DNAH7: variants seen among roughly 807,000 people sequenced by gnomAD.
DNAH7 encodes dynein axonemal heavy chain 7.
A neutral mutation model predicts 444.6 loss-of-function variants in DNAH7; 397 were observed. The observed-to-expected ratio is 0.89, with a 90% CI of 0.82 to 0.97. The LOEUF (loss-of-function observed/expected upper bound fraction) is 0.97. Ranked by LOEUF, DNAH7 falls within the 50% of genes least tolerant of loss-of-function variation. The pLI is 0.00. For synonymous variants in DNAH7, 1,636 were observed against 1,624.4 expected (o/e 1.01, Z -0.17); for missense variants, 4,902 against 4,800.8 (o/e 1.02, Z -0.62).
chr2:195,986,307 C>T lies in DNAH7; in HGVS notation c.1754+759G>A, dbSNP rs147375435. Among the ~76,000 whole-genome samples, 220 of 152,222 alleles carry T rather than the reference C, an allele frequency of 1.4e-3. No homozygotes were observed. In the Middle Eastern group the frequency reaches 0.017, roughly 12 times the overall value. ...TTATTCATGTTTAGAGCCTTAGAGC[C>T]GAAGTGGCTAGTCTTGTGCCTAACA... On this transcript the variant is annotated intron_variant, in intron 14 of 64. Coordinates refer to ENST00000312428, the MANE Select transcript of DNAH7 (RefSeq NM_018897.3).
chr2:195,826,492 T>G (rs916862566), intron 48 of DNAH7, among the ~76,000 whole-genome samples: 13 of 152,240 alleles, frequency 8.5e-5, no homozygotes, highest in Non-Finnish European at 1.5e-4. Context: ...CCTGGCTGTC[T>G]GGCTCCTTCG....
chr2:195,907,059 G>T, intron 25 of DNAH7, 50 bp from the exon 26 acceptor site: 3 of 1,368,982 alleles, frequency 2.2e-6, no homozygotes, highest in Non-Finnish European at 3.1e-6. Flanking sequence ...ATTCAATGTT[G>T]CAATGAAATG....
chr2:196,007,251 T>G (rs1270646498), intron 10 of DNAH7, among the ~76,000 whole-genome samples: 1 of 152,070 alleles, frequency 6.6e-6, no homozygotes, highest in Non-Finnish European at 1.5e-5. Context: ...TGAAACAGAA[T>G]AGAGAGCCCA....
chr2:195,742,230 T>C (rs1398523044), intron 63 of DNAH7, among the ~76,000 whole-genome samples: 6 of 152,144 alleles, frequency 3.9e-5, no homozygotes. Context: ...CTAAGGCCTG[T>C]CCATCAGTCA....
chr2:195,872,698 G>A (rs1261283256), intron 39 of DNAH7, among the ~76,000 whole-genome samples: 2 of 152,056 alleles, frequency 1.3e-5, no homozygotes, highest in Non-Finnish European at 2.9e-5. Context: ...CCTGTGAAAT[G>A]AGCAGGGCCA....
intron 29 of DNAH7, 134 bp downstream of exon 29, chr2:195,897,533 A>G (rs746771408): frequency 6.8e-6 from 3 of 441,844 alleles, no homozygotes; most frequent in Non-Finnish European, 1.2e-5. Flanking sequence ...ACACACTTCA[A>G]ATAAAATATG....
At chr2:196,036,027 CTTTT>C (rs750452521) in intron 5 of DNAH7, among the ~76,000 whole-genome samples, 4 of 129,488 alleles carry the variant, frequency 3.1e-5, no homozygotes, top group African/African-American at 8.5e-5. Context: ...TCTCCACATT[CTTTT>C]TTTTTTTTTT....
At chr2:195,880,651 C>T (rs1559178179) in intron 36 of DNAH7, among the ~76,000 whole-genome samples, 1 of 151,990 alleles carries the variant, frequency 6.6e-6, no homozygotes, top group Non-Finnish European at 1.5e-5. Context: ...AAACTTATTT[C>T]TAAAGCAAAA....
At chr2:196,044,589 T>A (rs1235378635) in intron 5 of DNAH7, among the ~76,000 whole-genome samples, 1 of 152,164 alleles carries the variant, frequency 6.6e-6, no homozygotes, top group Non-Finnish European at 1.5e-5. Context: ...CAAAAACTAC[T>A]GAAATAATAA....
Position 195,876,572 on chromosome 2 carries a change from A to T in DNAH7, c.6089T>A (p.Val2030Asp), listed in dbSNP as rs199571971. 7.9e-5 allele frequency: 127 copies of T among 1,613,596 alleles called. No homozygotes were observed. Among genetic ancestry groups the T allele is most frequent in the Non-Finnish European group, 1.0e-4 (122 of 1,179,872 alleles). Residue 2030 changes from valine (V) to aspartate (D), a missense_variant, in exon 37 of 65, where the codon GTT (valine) becomes GAT (aspartate). Coordinates refer to ENST00000312428, the MANE Select transcript of DNAH7 (RefSeq NM_018897.3). Reference sequence around the variant, plus strand: ...TCTCTTGCCCAAAGGAGGACCAAAAACTCCCTTTCTTCTCTTGTCCAATTT... The same window carrying T: ...TCTCTTGCCCAAAGGAGGACCAAAATCTCCCTTTCTTCTCTTGTCCAATTT... ...MSKLDKRRKG[V>D]FGPPLGKRMV... is the part of the protein sequence containing the mutation.
chr2:195,808,972 A>T, intron 52 of DNAH7, 96 bp from the exon 53 acceptor site: 1 of 1,050,056 alleles, frequency 9.5e-7, no homozygotes, highest in Non-Finnish European at 1.4e-6. Context: ...TTGACTTCCA[A>T]GTTTCAGATG....
intron 7 of DNAH7, 109 bp from the exon 8 acceptor site, chr2:196,024,613 A>G: frequency 3.5e-6 from 2 of 576,062 alleles, no homozygotes; most frequent in South Asian, 8.9e-5. Flanking sequence ...AATTATATTA[A>G]AGTTGTTTAA....
At chr2:196,059,985 G>A (rs1480688171) in intron 1 of DNAH7, among the ~76,000 whole-genome samples, 1 of 152,174 alleles carries the variant, frequency 6.6e-6, no homozygotes, top group Non-Finnish European at 1.5e-5. Flanking sequence ...GGAGGCCGAG[G>A]TGGGCGGATC....
intron 5 of DNAH7, among the ~76,000 whole-genome samples, chr2:196,046,117 A>T (rs1697107213): frequency 6.6e-6 from 1 of 152,190 alleles, no homozygotes; most frequent in African/African-American, 2.4e-5. Context: ...AGTATATCAC[A>T]AAGCTCCTTT....
At chr2:196,015,296 A>C (rs1694948657) in intron 9 of DNAH7, among the ~76,000 whole-genome samples, 1 of 152,170 alleles carries the variant, frequency 6.6e-6, no homozygotes, top group Non-Finnish European at 1.5e-5. Context: ...GCATCTTTTT[A>C]ACATGTTTAA....
chr2:195,744,337 G>A (rs1410629785), intron 63 of DNAH7, among the ~76,000 whole-genome samples: 1 of 152,254 alleles, frequency 6.6e-6, no homozygotes, highest in East Asian at 1.9e-4. Context: ...GCCCAGGCTT[G>A]CCTAGGTAAA....
chr2:195,835,083 C>T (rs1411398049), intron 47 of DNAH7, among the ~76,000 whole-genome samples: 2 of 152,284 alleles, frequency 1.3e-5, no homozygotes, highest in East Asian at 1.9e-4. Context: ...ATGACTTCAT[C>T]AGTATCTGCA....
chr2:195,909,887 G>T, intron 25 of DNAH7, 140 bp downstream of exon 25: 3 of 850,754 alleles, frequency 3.5e-6, no homozygotes, highest in Non-Finnish European at 3.5e-6. Context: ...TTTCCTTTAA[G>T]AATTATTGAG....
chr2:195,972,743 A>G (rs1032528242), intron 15 of DNAH7, among the ~76,000 whole-genome samples: 1 of 152,208 alleles, frequency 6.6e-6, no homozygotes, highest in Admixed American at 6.5e-5. Flanking sequence ...TATGAAGCAG[A>G]TACTATCTGA....
Sources: gnomAD v4.1 joint callset for allele counts (sites outside exome capture counted in the v4.1 genomes callset) on GRCh38, gnomAD v4.1.1 for gene constraint, MANE v1.5 for transcripts, NCBI Gene and HGNC (gene_info 2026-07-23, HGNC 2026-07-21) for gene names.